The following GRIP1 variants were observed in gnomAD, a reference collection of about 807,000 sequenced individuals.
The protein encoded by GRIP1 is glutamate receptor-interacting protein 1.
In GRIP1, 45 loss-of-function variants were observed where a neutral mutation model predicts 129.9. That is an observed-to-expected ratio of 0.35 (90% confidence interval 0.27 to 0.44). GRIP1 has a LOEUF of 0.44. Ranked by LOEUF, GRIP1 falls within the 20% of genes least tolerant of loss-of-function variation. The pLI, the probability that GRIP1 is intolerant of heterozygous loss-of-function variation, is 1.00. For synonymous variants in GRIP1, 530 were observed against 520.8 expected, an observed-to-expected ratio of 1.02 and a Z score of -0.24; for missense variants, 1,196 against 1,396.8, an observed-to-expected ratio of 0.86 and a Z score of 2.29.
At position 66,990,942 on chromosome 12, in the gene GRIP1, G is replaced by A. The variant is rs564575623; in HGVS notation, c.58+78108C>T. On this transcript the variant is annotated intron_variant, in intron 1 of 1. Transcript: ENST00000643019. ...CGGTGAGCCGAGATAGCGCCATTACGCTCCAGCCTGGGCAACAAGAGCTAA... is the reference window on the plus strand; with the variant it reads ...CGGTGAGCCGAGATAGCGCCATTACACTCCAGCCTGGGCAACAAGAGCTAA... Among the ~76,000 whole-genome samples, 295 of 140,306 alleles carry A rather than the reference G, an allele frequency of 2.1e-3. 1 individual carries two copies. Among genetic ancestry groups the A allele is most frequent in the Middle Eastern group, 4.6e-3 (1 of 218 alleles). The allele number at this position is 140,306 out of a possible 152,430, so 92.0% of individuals were successfully genotyped here. A position where few individuals can be genotyped will look rare whatever the true frequency, so the allele number is the denominator to read the frequency against.
intron 1 of GRIP1, among the ~76,000 whole-genome samples, chr12:67,012,205 T>C (rs576286580): frequency 1.3e-5 from 2 of 152,336 alleles, no homozygotes; most frequent in Admixed American, 6.5e-5. Context: ...GTATTCATCA[T>C]AAGGAAAGCT....
At chr12:66,754,440 G>A (rs531158317) in intron 1 of GRIP1, among the ~76,000 whole-genome samples, 8 of 152,236 alleles carry the variant, frequency 5.3e-5, no homozygotes, top group East Asian at 1.9e-4. Flanking sequence ...GCAAGCACAC[G>A]TGTACATCCA....
At chr12:66,791,955 A>G (rs2038550680) in intron 1 of GRIP1, among the ~76,000 whole-genome samples, 1 of 152,126 alleles carries the variant, frequency 6.6e-6, no homozygotes, top group Non-Finnish European at 1.5e-5. Context: ...GAAGTCAACA[A>G]TGTTCTCACA....
At chr12:66,646,564 C>T (rs548509566) in intron 1 of GRIP1, among the ~76,000 whole-genome samples, 1 of 152,170 alleles carries the variant, frequency 6.6e-6, no homozygotes, top group African/African-American at 2.4e-5. Context: ...ATAAGCCTTG[C>T]TAGGTGACCA....
At chr12:66,813,544 A>G (rs1054117437) in intron 1 of GRIP1, among the ~76,000 whole-genome samples, 1 of 152,238 alleles carries the variant, frequency 6.6e-6, no homozygotes, top group African/African-American at 2.4e-5. Flanking sequence ...TCTGGGGGCT[A>G]TATTTGAATG....
At chr12:67,040,128 T>C (rs2043153974) in intron 1 of GRIP1, among the ~76,000 whole-genome samples, 1 of 152,144 alleles carries the variant, frequency 6.6e-6, no homozygotes, top group Non-Finnish European at 1.5e-5. Flanking sequence ...AAGGCCTCTA[T>C]GCCTTTTTCA....
intron 1 of GRIP1, among the ~76,000 whole-genome samples, chr12:66,707,648 G>A (rs2035580769): frequency 6.6e-6 from 1 of 151,778 alleles, no homozygotes; most frequent in Admixed American, 6.6e-5. Flanking sequence ...GGAAAAGATG[G>A]TAGCAACCCC....
chr12:66,857,229 G>A (rs1468547790), intron 1 of GRIP1, among the ~76,000 whole-genome samples: 1 of 151,638 alleles, frequency 6.6e-6, no homozygotes, highest in East Asian at 2.0e-4. Flanking sequence ...GTTGTGGGGT[G>A]GGGGGAAGGG....
chr12:66,521,578 C>T (rs138806982), intron 5 of GRIP1, among the ~76,000 whole-genome samples: 3 of 152,264 alleles, frequency 2.0e-5, no homozygotes, highest in African/African-American at 7.2e-5. Context: ...GCGTGAGTGA[C>T]GCAGAAGACG....
intron 1 of GRIP1, among the ~76,000 whole-genome samples, chr12:66,926,587 T>C (rs1202388911): frequency 6.6e-6 from 1 of 152,186 alleles, no homozygotes; most frequent in East Asian, 1.9e-4. Flanking sequence ...TGGATGGTCT[T>C]TCAAGTCCTT....
intron 1 of GRIP1, among the ~76,000 whole-genome samples, chr12:67,007,301 G>A (rs1223863147): frequency 2.6e-5 from 4 of 151,990 alleles, no homozygotes; most frequent in Non-Finnish European, 5.9e-5. Context: ...CAAAATTCAC[G>A]GCAACAAGAT....
intron 1 of GRIP1, among the ~76,000 whole-genome samples, chr12:66,739,901 T>C (rs1172135638): frequency 1.3e-5 from 2 of 152,156 alleles, no homozygotes; most frequent in Non-Finnish European, 2.9e-5. Context: ...CAGTCCTCAA[T>C]AGTAGTCTCT....
chr12:66,648,023 T>C (rs2032504189), intron 1 of GRIP1, among the ~76,000 whole-genome samples: 1 of 152,154 alleles, frequency 6.6e-6, no homozygotes, highest in Non-Finnish European at 1.5e-5. Flanking sequence ...GGGTAAGACA[T>C]TGAAATACTT....
At chr12:66,589,037 C>T (rs2139693308) in intron 2 of GRIP1, among the ~76,000 whole-genome samples, 1 of 151,480 alleles carries the variant, frequency 6.6e-6, no homozygotes, top group East Asian at 1.9e-4. Context: ...TCAGTTTGCT[C>T]ATGTGTAACA....
At chr12:66,719,507 T>C (rs980061132) in intron 1 of GRIP1, among the ~76,000 whole-genome samples, 1 of 152,170 alleles carries the variant, frequency 6.6e-6, no homozygotes, top group African/African-American at 2.4e-5. Flanking sequence ...ATCCCTGAGA[T>C]AGTATCACAT....
intron 2 of GRIP1, among the ~76,000 whole-genome samples, chr12:66,595,478 C>G (rs1254182276): frequency 6.6e-6 from 1 of 152,176 alleles, no homozygotes; most frequent in Admixed American, 6.5e-5. Flanking sequence ...TTCTTCCCAG[C>G]AGTGGAATAC....
intron 1 of GRIP1, among the ~76,000 whole-genome samples, chr12:66,905,358 G>C (rs1324227918): frequency 6.6e-6 from 1 of 151,022 alleles, no homozygotes; most frequent in Non-Finnish European, 1.5e-5. Flanking sequence ...TGAGTGCCTA[G>C]TGCCTAGATA....
At chr12:66,943,525 T>C (rs2041620766) in intron 1 of GRIP1, among the ~76,000 whole-genome samples, 1 of 152,250 alleles carries the variant, frequency 6.6e-6, no homozygotes, top group African/African-American at 2.4e-5. Flanking sequence ...CAGTTTCATG[T>C]TTCTCTTTTC....
intron 5 of GRIP1, among the ~76,000 whole-genome samples, chr12:66,522,191 G>C (rs976832348): frequency 2.0e-5 from 3 of 152,198 alleles, no homozygotes; most frequent in Non-Finnish European, 2.9e-5. Context: ...CTGAGAACAG[G>C]CAAACTGCCT....
Sources: gnomAD v4.1 joint callset for allele counts (sites outside exome capture counted in the v4.1 genomes callset) on GRCh38, gnomAD v4.1.1 for gene constraint, MANE v1.5 for transcripts, NCBI Gene and HGNC (gene_info 2026-07-23, HGNC 2026-07-21) for gene names.